Variants in FRYL observed in about 807,000 individuals in gnomAD.
FRYL encodes protein furry homolog-like.
A neutral mutation model predicts 351.2 loss-of-function variants in FRYL; 150 were observed. The observed-to-expected ratio is 0.43, with a 90% CI of 0.37 to 0.49. The LOEUF (loss-of-function observed/expected upper bound fraction) is 0.49. Among genes scored for constraint, FRYL ranks in the 20% least tolerant of loss-of-function variants. The pLI, the probability that FRYL is intolerant of heterozygous loss-of-function variation, is 0.00. For missense variants in FRYL, 3,036 were observed against 3,619.3 expected (o/e 0.84, Z 4.13); for synonymous variants, 1,153 against 1,257.1 (o/e 0.92, Z 1.75).
At chr4:48,557,324 A>G in intron 34 of FRYL, 129 bp downstream of exon 34, 1 of 1,298,512 alleles carries the variant, frequency 7.7e-7, no homozygotes, top group East Asian at 2.4e-5. Flanking sequence ...TTCATATCTA[A>G]TGAGTCTTTT....
chr4:48,750,094 A>G (rs2149663618), intron 1 of FRYL, among the ~76,000 whole-genome samples: 1 of 150,506 alleles, frequency 6.6e-6, no homozygotes, highest in East Asian at 2.0e-4. Flanking sequence ...TGATCATACC[A>G]CTGCACTCCA....
chr4:48,604,544 G>A (rs2945331), intron 11 of FRYL, among the ~76,000 whole-genome samples: 144,223 of 152,140 alleles, frequency 0.95, 68,407 homozygotes, highest in South Asian at 0.98. Flanking sequence ...AATGAAGGCA[G>A]GATTCAGAAC....
chr4:48,750,786 T>A (rs545176194), intron 1 of FRYL, among the ~76,000 whole-genome samples: 1 of 152,112 alleles, frequency 6.6e-6, no homozygotes, highest in Non-Finnish European at 1.5e-5. Context: ...TAATCTTGAG[T>A]TGAGAGTCAT....
chr4:48,700,348 C>T (rs1766598791), intron 2 of FRYL, among the ~76,000 whole-genome samples: 1 of 152,084 alleles, frequency 6.6e-6, no homozygotes, highest in Non-Finnish European at 1.5e-5. Flanking sequence ...TCATTTCTCC[C>T]ACCTCATCAG....
At position 48,557,631 on chromosome 4, in the gene FRYL, ATGT is replaced by A; in HGVS notation, c.3944_3946del (p.Asn1315del). 1 of 1,614,140 alleles carries A rather than the reference ATGT, an allele frequency of 6.2e-7. No individual in the cohort carries two copies. The highest frequency in any genetic ancestry group is 8.5e-7 in the Non-Finnish European group (1 of 1,180,028). The stretch of plus-strand genomic sequence containing the variant: ...GAGAGGTTTTAAGTCCACCAGCTCG[ATGT>A]TGTTCATCCATGGTAGCAGGTAGTG... On this transcript the variant is annotated inframe_deletion, in exon 34 of 64. Transcript: ENST00000358350.
intron 3 of FRYL, among the ~76,000 whole-genome samples, chr4:48,678,830 C>G (rs926705687): frequency 6.6e-6 from 1 of 151,676 alleles, no homozygotes; most frequent in Non-Finnish European, 1.5e-5. Context: ...AACATATATA[C>G]CATAGGAAAT....
chr4:48,721,677 TC>T (rs1769488710), intron 1 of FRYL, among the ~76,000 whole-genome samples: 1 of 152,178 alleles, frequency 6.6e-6, no homozygotes, highest in East Asian at 1.9e-4. Flanking sequence ...TCTCACTCTG[TC>T]GCCCAGGCTG....
chr4:48,572,080 G>A, intron 26 of FRYL: 1 of 778,188 alleles, frequency 1.3e-6, no homozygotes, highest in Non-Finnish European at 1.6e-6. Context: ...TGCAGATGAT[G>A]TTTCAAAGTC....
chr4:48,552,241 AG>A, intron 36 of FRYL, among the ~76,000 whole-genome samples: 1 of 119,694 alleles, frequency 8.4e-6, no homozygotes, highest in Non-Finnish European at 1.7e-5. Context: ...AACAGTCCAA[AG>A]GGGTGTGTGT....
In FRYL at chr4:48,666,227, T is replaced by C. The variant is rs1172738770; in HGVS notation, c.-81+18446A>G. Among the ~76,000 whole-genome samples the C allele has an allele frequency of 3.3e-5, 5 of 151,922 alleles. No homozygotes were observed. The East Asian group carries it at 7.8e-4, about 24-fold the overall frequency. On this transcript the variant is annotated intron_variant, in intron 3 of 63. Transcript: ENST00000358350. ...AATAAAAAACCAAAAATTAGCCAGG[T>C]ATGGTGGCACACACCTGTAATCCCA...
rs763432232 is a variant in FRYL, at chr4:48,581,438, T to A, written c.2154A>T (p.Ala718=). 6.2e-7 allele frequency: 1 copy of A among 1,606,772 alleles called. No individual in the cohort carries two copies. The highest frequency in any genetic ancestry group is 2.2e-5 in the East Asian group (1 of 44,820). Residue 718 remains alanine, a synonymous_variant, in exon 21 of 64, where the codon GCA becomes GCT. Coordinates refer to ENST00000358350, the MANE Select transcript of FRYL (RefSeq NM_015030.2). The part of the protein sequence containing the change: ...SVLREIRALF[A]LLEIPKGDDE... ...ATCTTACCTTAGGTATTTCCAGAAG[T>A]GCAAATAAAGCCCGTATTTCTCTAA...
Position 48,633,537 on chromosome 4 carries a change from A to G in FRYL, c.120+754T>C, listed in dbSNP as rs1221139415. Among the ~76,000 whole-genome samples the G allele has an allele frequency of 3.3e-5, 5 of 152,166 alleles. No homozygotes were observed. The South Asian group carries it at 1.0e-3, about 32-fold the overall frequency. ...GCTTAAGGTACGCAAACGAAAAATT[A>G]TTTTATCCACCTTTTCTACCCAAAG... is the stretch of plus-strand genomic sequence containing the variant. On this transcript the variant is annotated intron_variant, in intron 4 of 63. Coordinates refer to ENST00000358350, the MANE Select transcript of FRYL (RefSeq NM_015030.2).
intron 3 of FRYL, among the ~76,000 whole-genome samples, chr4:48,673,529 C>G (rs1250697600): frequency 6.6e-6 from 1 of 151,670 alleles, no homozygotes; most frequent in Non-Finnish European, 1.5e-5. Flanking sequence ...CTGGGACTAC[C>G]GGTGCATGAC....
intron 18 of FRYL, among the ~76,000 whole-genome samples, chr4:48,588,542 G>A (rs1742603193): frequency 6.6e-6 from 1 of 152,188 alleles, no homozygotes; most frequent in African/African-American, 2.4e-5. Context: ...ATGCAGATGT[G>A]CTGCAGTGAC....
chr4:48,760,948 G>A (rs1257167061), intron 1 of FRYL, among the ~76,000 whole-genome samples: 6 of 151,578 alleles, frequency 4.0e-5, no homozygotes, highest in African/African-American at 7.3e-5. Flanking sequence ...AAAGTGCTGC[G>A]ATTACAGGCA....
chr4:48,650,859 T>G (rs1004672843), intron 3 of FRYL, among the ~76,000 whole-genome samples: 7 of 152,048 alleles, frequency 4.6e-5, no homozygotes, highest in Non-Finnish European at 1.0e-4. Flanking sequence ...ATAGTGGCTG[T>G]GGAGAGGAGA....
rs374301516 is a variant in FRYL at position 48,582,657 on chromosome 4, T to G, written c.1826A>C (p.Asp609Ala). Residue 609 changes from aspartate (D) to alanine (A), a missense_variant, in exon 20 of 64, where the codon GAT (aspartate) becomes GCT (alanine). Around this residue, in one of 7 missense-constraint regions of FRYL, gnomAD observed 492 missense variants for 551.5 expected, o/e 0.89. Transcript: ENST00000358350. The stretch of plus-strand genomic sequence containing the variant: ...TCCTGAAAGAACATCCTCCCGCCAA[T>G]CTGGAAAATCAAGCATTAGTGCCTG... ...TLQALMLDFP[D>A]WREDVLSGFV... 6.2e-6 allele frequency: 10 copies of G among 1,614,058 alleles called. No individual in the cohort carries two copies. The highest frequency in any genetic ancestry group is 8.5e-6 in the Non-Finnish European group (10 of 1,179,956).
chr4:48,547,321 A>C (rs1731575236), intron 41 of FRYL: 1 of 265,362 alleles, frequency 3.8e-6, no homozygotes, highest in Non-Finnish European at 7.0e-6. Context: ...TCAATAAATT[A>C]AGCAGTTTCA....
At chr4:48,632,413 A>G (rs1253930007) in intron 4 of FRYL, among the ~76,000 whole-genome samples, 1 of 150,468 alleles carries the variant, frequency 6.6e-6, no homozygotes, top group Non-Finnish European at 1.5e-5. Flanking sequence ...GTAATTTATC[A>G]TGTAATTCAG....
Sources: allele counts gnomAD v4.1 joint callset (sites outside exome capture counted in the v4.1 genomes callset), GRCh38; gene constraint gnomAD v4.1.1; regional missense constraint gnomAD v4.1.1; transcripts MANE v1.5; gene names NCBI Gene and HGNC (gene_info 2026-07-23, HGNC 2026-07-21).